Variants in KIRREL3 observed in about 807,000 individuals in gnomAD.
KIRREL3 encodes the protein kirre like nephrin family adhesion molecule 3.
Under a neutral mutation model 89.7 loss-of-function variants are expected in KIRREL3, and 36 were observed. The ratio of observed to expected loss-of-function variants is 0.40; its 90% CI spans 0.31 to 0.53. The LOEUF (loss-of-function observed/expected upper bound fraction) is 0.53, where lower values mean the gene tolerates loss of function less well. KIRREL3 is among the 20% of genes least tolerant of loss of function. KIRREL3 has a pLI of 0.49. For missense variants in KIRREL3, 864 were observed against 1,056.6 expected (o/e 0.82, Z 2.53); for synonymous variants, 445 against 441.4 (o/e 1.01, Z -0.10).
In KIRREL3 at chr11:126,486,502, C is replaced by T. The variant is rs1479289121; in HGVS notation, c.434-13036G>A. On this transcript the variant is annotated intron_variant, in intron 4 of 16. Coordinates refer to ENST00000525144, the MANE Select transcript of KIRREL3 (RefSeq NM_032531.4). This position sits in a 1 kb window ranked among gnomAD's most constrained non-coding sequence, Gnocchi z 6.2. ...TTGCAGGAATAACCGGCACATGCCC[C>T]CTTGCAGCCGCTCACAAAGCTCTCC... 6.6e-6 allele frequency among the ~76,000 whole-genome samples: 1 copy of T among 152,212 alleles called. No individual in the cohort carries two copies. The highest frequency in any genetic ancestry group is 2.4e-5 in the African/African-American group (1 of 41,442).
chr11:126,766,048 G>A lies in KIRREL3; in HGVS notation c.56-203136C>T, dbSNP rs750728507. 4.0e-5 allele frequency among the ~76,000 whole-genome samples: 6 copies of A among 151,880 alleles called. No homozygotes were observed. The highest frequency in any genetic ancestry group is 7.3e-5 in the African/African-American group (3 of 41,334). On this transcript the variant is annotated intron_variant, in intron 1 of 16. Transcript: ENST00000525144. This position sits in a 1 kb window ranked among gnomAD's most constrained non-coding sequence, Gnocchi z 4.2. The stretch of plus-strand genomic sequence containing the variant: ...AGCAAATTCACCTCCTTGCTTTGCC[G>A]TTTACTTCCAAATTCCCATAACTCA...
chr11:126,550,994 T>C lies in KIRREL3; in HGVS notation c.133+11841A>G, dbSNP rs1191351588. ...GAACTTCTGGCAGACCCGCTGCAAG[T>C]TGGGGGTTCCCAAGACCTTCTGTTT... On this transcript the variant is annotated intron_variant, in intron 2 of 16. Transcript: ENST00000525144. This position sits in a 1 kb window ranked among gnomAD's most constrained non-coding sequence, Gnocchi z 4.9. 6.6e-6 allele frequency among the ~76,000 whole-genome samples: 1 copy of C among 152,178 alleles called. No homozygotes were observed. Among genetic ancestry groups the C allele is most frequent in the Admixed American group, 6.5e-5 (1 of 15,280 alleles).
chr11:126,792,473 C>T (rs1025718551), intron 1 of KIRREL3, among the ~76,000 whole-genome samples: 7 of 152,176 alleles, frequency 4.6e-5, no homozygotes, highest in African/African-American at 1.2e-4. Flanking sequence ...TGCCAAAACT[C>T]GTGTACGTAA....
Position 126,876,328 on chromosome 11 carries a change from G to A in KIRREL3, c.55+124127C>T, listed in dbSNP as rs542098518. 6.6e-6 allele frequency among the ~76,000 whole-genome samples: 1 copy of A among 152,204 alleles called. No individual in the cohort carries two copies. Among genetic ancestry groups the A allele is most frequent in the Non-Finnish European group, 1.5e-5 (1 of 68,040 alleles). On this transcript the variant is annotated intron_variant, in intron 1 of 16. Transcript: ENST00000525144. This position sits in a 1 kb window ranked among gnomAD's most constrained non-coding sequence, Gnocchi z 4.1. ...ACTCAGTTTCTCAGCCTGAAGGCACGGACTACAGAAAGGGAAAATGTGGAG... is the reference window on the plus strand; with the variant it reads ...ACTCAGTTTCTCAGCCTGAAGGCACAGACTACAGAAAGGGAAAATGTGGAG...
chr11:126,764,986 T>C lies in KIRREL3; in HGVS notation c.56-202074A>G, dbSNP rs1949776896. ...TTTTGGAAACTTTTGAGGGTACAAA[T>C]AGTATACAGGTCAAAAAGTAAAAGG... On this transcript the variant is annotated intron_variant, in intron 1 of 16. Transcript: ENST00000525144. The surrounding 1 kb of genome is among the most constrained non-coding windows in gnomAD (Gnocchi z 4.2). 6.6e-6 allele frequency among the ~76,000 whole-genome samples: 1 copy of C among 152,284 alleles called. No individual in the cohort carries two copies. Among genetic ancestry groups the C allele is most frequent in the East Asian group, 1.9e-4 (1 of 5,184 alleles).
chr11:126,924,357 C>T lies in KIRREL3; in HGVS notation c.55+76098G>A, dbSNP rs1947603989. On this transcript the variant is annotated intron_variant, in intron 1 of 16. Coordinates refer to ENST00000525144, the MANE Select transcript of KIRREL3 (RefSeq NM_032531.4). The surrounding 1 kb of genome is among the most constrained non-coding windows in gnomAD (Gnocchi z 4.7). Reference sequence around the variant, plus strand: ...TCTCTTGCTTACACCCTTCAGAAAGCTGTCTCCCAGCACCTAGCATAACAC... The same window carrying T: ...TCTCTTGCTTACACCCTTCAGAAAGTTGTCTCCCAGCACCTAGCATAACAC... Among the ~76,000 whole-genome samples the T allele has an allele frequency of 6.6e-6, 1 of 152,198 alleles. No individual in the cohort carries two copies. The highest frequency in any genetic ancestry group is 2.1e-4 in the South Asian group (1 of 4,828).
chr11:126,533,606 T>A (rs559163162), intron 2 of KIRREL3, among the ~76,000 whole-genome samples: 1 of 152,224 alleles, frequency 6.6e-6, no homozygotes, highest in East Asian at 1.9e-4. Flanking sequence ...CCCTTGACCC[T>A]CACAACCACA....
intron 1 of KIRREL3, among the ~76,000 whole-genome samples, chr11:126,692,202 G>A (rs542531297): frequency 2.6e-5 from 4 of 152,046 alleles, no homozygotes; most frequent in African/African-American, 9.7e-5. Flanking sequence ...GCAGGGTGTC[G>A]ATTCGCACAC....
chr11:126,608,325 T>C lies in KIRREL3; in HGVS notation c.56-45413A>G, dbSNP rs1398536545. On this transcript the variant is annotated intron_variant, in intron 1 of 16. Transcript: ENST00000525144. The surrounding 1 kb of genome is among the most constrained non-coding windows in gnomAD (Gnocchi z 4.9). ...AGCAGCATTTGTGAAATCTAATTAG[T>C]GCAGGCCCAACTTCTGACTTCCTGT... Among the ~76,000 whole-genome samples, 1 of 152,170 alleles carries C rather than the reference T, an allele frequency of 6.6e-6. No individual in the cohort carries two copies. The highest frequency in any genetic ancestry group is 1.5e-5 in the Non-Finnish European group (1 of 68,032).
chr11:126,960,077 T>TTGAATGAA (rs371638302), intron 1 of KIRREL3, among the ~76,000 whole-genome samples: 1 of 152,058 alleles, frequency 6.6e-6, no homozygotes, highest in Admixed American at 6.6e-5. Flanking sequence ...GAATGAATGA[T>TTGAATGAA]TGAATGAATG....
chr11:126,856,985 C>T (rs528387413), intron 1 of KIRREL3, among the ~76,000 whole-genome samples: 3 of 152,236 alleles, frequency 2.0e-5, no homozygotes, highest in South Asian at 2.1e-4. Context: ...CATGAGCATC[C>T]AGTTTAACTG....
intron 1 of KIRREL3, among the ~76,000 whole-genome samples, chr11:126,884,032 C>G (rs1214011155): frequency 6.6e-6 from 1 of 152,166 alleles, no homozygotes; most frequent in Non-Finnish European, 1.5e-5. Flanking sequence ...TGCAATGATC[C>G]TTATGATGCT....
At chr11:126,934,126 T>C (rs761898613) in intron 1 of KIRREL3, among the ~76,000 whole-genome samples, 23 of 152,210 alleles carry the variant, frequency 1.5e-4, no homozygotes, top group Middle Eastern at 3.4e-3. Flanking sequence ...TATGGACATA[T>C]AGATCAATGA....
chr11:126,712,171 G>A (rs1947784047), intron 1 of KIRREL3, among the ~76,000 whole-genome samples: 1 of 151,734 alleles, frequency 6.6e-6, no homozygotes. Flanking sequence ...TGGTGAGTCA[G>A]AGTTTGTTTG....
intron 1 of KIRREL3, among the ~76,000 whole-genome samples, chr11:126,737,884 C>A (rs955379429): frequency 1.3e-5 from 2 of 152,166 alleles, no homozygotes; most frequent in African/African-American, 4.8e-5. Context: ...TCCAATTCTA[C>A]TCTTTTAGTT....
At chr11:126,440,133 A>C (rs1955504268) in intron 11 of KIRREL3, 1 of 577,112 alleles carries the variant, frequency 1.7e-6, no homozygotes, top group Non-Finnish European at 3.2e-6. Context: ...CAGGAAGAGA[A>C]GAAGTCACTT....
In KIRREL3 at chr11:126,486,957, C is replaced by T. The variant is rs371676337; in HGVS notation, c.434-13491G>A. Among the ~76,000 whole-genome samples the T allele has an allele frequency of 8.5e-5, 13 of 152,136 alleles. No homozygotes were observed. Among genetic ancestry groups the T allele is most frequent in the African/African-American group, 1.9e-4 (8 of 41,410 alleles). ...TTGGTTTTGCTATGGGCTCCCCATC[C>T]GGTAAATCCACCTCCTCAACGAGCC... On this transcript the variant is annotated intron_variant, in intron 4 of 16. Transcript: ENST00000525144. The surrounding 1 kb of genome is among the most constrained non-coding windows in gnomAD (Gnocchi z 6.2).
rs57844137 is a variant in KIRREL3 at position 126,555,744 on chromosome 11, ATTTTTTTT to A, written c.133+7083_133+7090del. Reference sequence around the variant, plus strand: ...TGTAGAACATGCTAACAATGTGAGCATTTTTTTTTTTTTTGAGACGGAGTCTCCCTCTA... The same window carrying A: ...TGTAGAACATGCTAACAATGTGAGCATTTTTTGAGACGGAGTCTCCCTCTA... On this transcript the variant is annotated intron_variant, in intron 2 of 16. Transcript: ENST00000525144. This position sits in a 1 kb window ranked among gnomAD's most constrained non-coding sequence, Gnocchi z 4.2. Among the ~76,000 whole-genome samples, 1 of 145,578 alleles carries A rather than the reference ATTTTTTTT, an allele frequency of 6.9e-6. No homozygotes were observed. The highest frequency in any genetic ancestry group is 1.5e-5 in the Non-Finnish European group (1 of 66,418).
Position 126,476,555 on chromosome 11 carries a change from G to A in KIRREL3, c.434-3089C>T, listed in dbSNP as rs1957072120. ...ACGCACATACATCCACCCTCAGAAT[G>A]GGGCCTGATTACATCTTCCCAAATA... On this transcript the variant is annotated intron_variant, in intron 4 of 16. Transcript: ENST00000525144. This position sits in a 1 kb window ranked among gnomAD's most constrained non-coding sequence, Gnocchi z 6.4. 6.6e-6 allele frequency among the ~76,000 whole-genome samples: 1 copy of A among 152,160 alleles called. No homozygotes were observed. The highest frequency in any genetic ancestry group is 2.4e-5 in the African/African-American group (1 of 41,436).
Sources: allele counts gnomAD v4.1 joint callset (sites outside exome capture counted in the v4.1 genomes callset), GRCh38; gene constraint gnomAD v4.1.1; non-coding constraint Gnocchi (gnomAD v3.1); transcripts MANE v1.5; gene names NCBI Gene and HGNC (gene_info 2026-07-23, HGNC 2026-07-21).